Variants in LAMA1 observed in about 807,000 individuals in gnomAD.
LAMA1 encodes the protein laminin subunit alpha 1.
Under a neutral mutation model 348.7 loss-of-function variants are expected in LAMA1, and 219 were observed. The ratio of observed to expected loss-of-function variants is 0.63; its 90% CI spans 0.56 to 0.70. The LOEUF is 0.70. Ranked by LOEUF, LAMA1 falls within the 30% of genes least tolerant of loss-of-function variation. The probability of loss-of-function intolerance (pLI) is 0.00; values close to 1 mark genes in which losing one functional copy is unlikely to be tolerated. For missense variants in LAMA1, 3,744 were observed against 3,888.0 expected (o/e 0.96, Z 0.99); for synonymous variants, 1,487 against 1,491.0 (o/e 1.00, Z 0.06).
At position 7,086,721 on chromosome 18, in the gene LAMA1, C is replaced by G. The variant is rs943311470; in HGVS notation, c.62-6264G>C. Among the ~76,000 whole-genome samples the G allele has an allele frequency of 7.9e-5, 12 of 152,310 alleles. No individual in the cohort carries two copies. The East Asian group carries it at 2.3e-3, about 29-fold the overall frequency. On this transcript the variant is annotated intron_variant, in intron 1 of 62. Coordinates refer to ENST00000389658, the MANE Select transcript of LAMA1 (RefSeq NM_005559.4). ...GAAGGAAGGAGATCCCTCTGCCTCTCCCTCAGGGACCACACAGGCGCACGG... is the reference window on the plus strand; with the variant it reads ...GAAGGAAGGAGATCCCTCTGCCTCTGCCTCAGGGACCACACAGGCGCACGG...
At position 7,037,661 on chromosome 18, in the gene LAMA1, C is replaced by G; in HGVS notation, c.1654G>C (p.Val552Leu). 1 of 1,614,174 alleles carries G rather than the reference C, an allele frequency of 6.2e-7. No homozygotes were observed. The highest frequency in any genetic ancestry group is 8.5e-7 in the Non-Finnish European group (1 of 1,180,042). Residue 552 changes from valine (V) to leucine (L), a missense_variant, in exon 12 of 63, where the codon GTC becomes CTC. This residue lies in a region of LAMA1 where 1,529 missense variants were observed against 1,689.4 expected (regional missense o/e 0.91). Coordinates refer to ENST00000389658, the MANE Select transcript of LAMA1 (RefSeq NM_005559.4). ...ATGACCGCGGTGTTGTTGATGCTGA[C>G]CTGATGGCGCCCGCCTAGTGCATCT... Reference protein sequence around the residue: ...QQDALGGRHQVSINNTAVMQR... With the variant: ...QQDALGGRHQLSINNTAVMQR...
intron 11 of LAMA1, 99 bp downstream of exon 11, chr18:7,038,711 C>A (rs2058007127): frequency 9.3e-6 from 14 of 1,498,814 alleles, no homozygotes; most frequent in African/African-American, 1.4e-5. Context: ...AGAGTGGTGT[C>A]ACGGGAAGTC....
intron 3 of LAMA1, among the ~76,000 whole-genome samples, chr18:7,058,334 C>A (rs898751256): frequency 8.5e-5 from 13 of 152,076 alleles, no homozygotes; most frequent in Admixed American, 6.5e-4. Flanking sequence ...CCTCAAGGTC[C>A]CCAAACTGGA....
chr18:7,035,087 C>T (rs1346101391), intron 13 of LAMA1, among the ~76,000 whole-genome samples: 1 of 152,286 alleles, frequency 6.6e-6, no homozygotes, highest in East Asian at 1.9e-4. Context: ...TTACCGTGTG[C>T]GGTCTGCAAT....
rs1299226991 is a variant in LAMA1 at position 7,084,757 on chromosome 18, C to T, written c.62-4300G>A. On this transcript the variant is annotated intron_variant, in intron 1 of 62. Coordinates refer to ENST00000389658, the MANE Select transcript of LAMA1 (RefSeq NM_005559.4). ...TCTCTTATAAACATTAGGTGAAAAA[C>T]GGCCACCAAGGTGGCAGACAACAAT... 3.9e-5 allele frequency among the ~76,000 whole-genome samples: 6 copies of T among 152,190 alleles called. No individual in the cohort carries two copies. In the East Asian group the frequency reaches 5.8e-4, roughly 15 times the overall value.
intron 28 of LAMA1, 68 bp downstream of exon 28, chr18:7,008,420 G>A: frequency 6.3e-7 from 1 of 1,578,938 alleles, no homozygotes; most frequent in South Asian, 1.1e-5. Flanking sequence ...GTTCATCTCT[G>A]GGAGTTGCTG....
Position 6,958,459 on chromosome 18 carries a change from G to C in LAMA1, c.7964+18C>G. 6.2e-7 allele frequency: 1 copy of C among 1,613,052 alleles called. No homozygotes were observed. The highest frequency in any genetic ancestry group is 1.1e-5 in the South Asian group (1 of 91,060). On this transcript the variant is annotated intron_variant, in intron 55 of 62. Coordinates refer to ENST00000389658, the MANE Select transcript of LAMA1 (RefSeq NM_005559.4). The stretch of plus-strand genomic sequence containing the variant: ...AGGTCAGAAAGTGCAAGAACATGCA[G>C]AGAGCAGGTACACTTACTCCAAATT...
intron 14 of LAMA1, among the ~76,000 whole-genome samples, chr18:7,033,612 A>C (rs2057981131): frequency 6.6e-6 from 1 of 152,146 alleles, no homozygotes; most frequent in African/African-American, 2.4e-5. Context: ...CCCATAGATG[A>C]CTGTGGGAAA....
chr18:7,112,892 C>T lies in LAMA1; in HGVS notation c.61+4768G>A, dbSNP rs143887522. On this transcript the variant is annotated intron_variant, in intron 1 of 62. Transcript: ENST00000389658. ...TCATGTGACCCACCTGCCTCGGCCT[C>T]CCAAAGTGCTGGGATTACAGGCGTG... is the stretch of plus-strand genomic sequence containing the variant. Among the ~76,000 whole-genome samples the T allele has an allele frequency of 1.6e-4, 24 of 152,246 alleles. No homozygotes were observed. In the East Asian group the frequency reaches 4.6e-3, roughly 29 times the overall value.
At chr18:7,017,251 G>T in intron 20 of LAMA1, 27 bp downstream of exon 20, 1 of 1,554,610 alleles carries the variant, frequency 6.4e-7, no homozygotes, top group Non-Finnish European at 8.9e-7. Flanking sequence ...CCAAGGCTAA[G>T]GTGTCAATTA....
intron 25 of LAMA1, among the ~76,000 whole-genome samples, 169 bp downstream of exon 25, chr18:7,011,131 T>C (rs1395399457): frequency 1.3e-5 from 2 of 152,162 alleles, no homozygotes; most frequent in African/African-American, 4.8e-5. Context: ...TAAGGAACCA[T>C]ATATTTGAGG....
At chr18:7,046,967 C>T (rs980126565) in intron 5 of LAMA1, among the ~76,000 whole-genome samples, 5 of 151,084 alleles carry the variant, frequency 3.3e-5, no homozygotes, top group Non-Finnish European at 5.9e-5. Context: ...CTGGTAGTTG[C>T]TTTGTAGCTT....
chr18:7,092,997 T>G (rs1018871352), intron 1 of LAMA1, among the ~76,000 whole-genome samples: 7 of 152,192 alleles, frequency 4.6e-5, no homozygotes, highest in Non-Finnish European at 8.8e-5. Flanking sequence ...AAATGTGGTC[T>G]TTAAAAAGGA....
At chr18:7,040,271 AGGC>A in intron 9 of LAMA1, 35 bp from the exon 10 acceptor site, 1 of 1,611,228 alleles carries the variant, frequency 6.2e-7, no homozygotes, top group South Asian at 1.1e-5. Flanking sequence ...CCCAACATGA[AGGC>A]AAAAGAGGTT....
rs753912808 is a variant in LAMA1 at position 7,011,474 on chromosome 18, C to T, written c.3513G>A (p.Thr1171=). The change falls in exon 25 of 63, where the codon ACG becomes ACA. Residue 1171 remains threonine (T), a synonymous_variant. Transcript: ENST00000389658. ...ELEDYVRTPV[T]LGSDQPLLRV... ...GCAGAAGAGGCTGATCGGAGCCCAGCGTTACCTAAACCACGAAAGGAGGGG... is the reference window on the plus strand; with the variant it reads ...GCAGAAGAGGCTGATCGGAGCCCAGTGTTACCTAAACCACGAAAGGAGGGG... The T allele has an allele frequency of 5.0e-6, 8 of 1,602,954 alleles. No homozygotes were observed. In the Admixed American group the frequency reaches 5.2e-5, roughly 10 times the overall value.
chr18:6,988,663 C>T (rs543175391), intron 36 of LAMA1, among the ~76,000 whole-genome samples: 18 of 151,934 alleles, frequency 1.2e-4, no homozygotes, highest in Non-Finnish European at 2.2e-4. Context: ...AAAAATTAGC[C>T]GGGCATGATG....
At chr18:7,025,886 A>T in intron 17 of LAMA1, 93 bp downstream of exon 17, 1 of 1,506,392 alleles carries the variant, frequency 6.6e-7, no homozygotes, top group Non-Finnish European at 9.0e-7. Flanking sequence ...CACACGTATT[A>T]CACACACAGT....
At position 6,966,312 on chromosome 18, in the gene LAMA1, A is replaced by G; in HGVS notation, c.6900-15T>C. 1 of 1,611,502 alleles carries G rather than the reference A, an allele frequency of 6.2e-7. No homozygotes were observed. Among genetic ancestry groups the G allele is most frequent in the Middle Eastern group, 1.7e-4 (1 of 6,060 alleles). Reference sequence around the variant, plus strand: ...CATTCTGGGAGCTGCAAAGCAGAAGAGATGAAATAGAATCCATTCTCAGGA... The same window carrying G: ...CATTCTGGGAGCTGCAAAGCAGAAGGGATGAAATAGAATCCATTCTCAGGA... On this transcript the variant is annotated splice_polypyrimidine_tract_variant and intron_variant, in intron 48 of 62. Transcript: ENST00000389658.
At chr18:7,055,321 C>T (rs2058077245) in intron 3 of LAMA1, among the ~76,000 whole-genome samples, 1 of 151,788 alleles carries the variant, frequency 6.6e-6, no homozygotes, top group South Asian at 2.1e-4. Context: ...GGTGTAGTGG[C>T]ACATGCCTGT....
Sources: gnomAD v4.1 joint callset for allele counts (sites outside exome capture counted in the v4.1 genomes callset) on GRCh38, gnomAD v4.1.1 for gene constraint, gnomAD v4.1.1 regional missense constraint, MANE v1.5 for transcripts, NCBI Gene and HGNC (gene_info 2026-07-23, HGNC 2026-07-21) for gene names.